The following DNAH1 variants were observed in gnomAD, a reference collection of about 807,000 sequenced individuals.
DNAH1 encodes axonemal beta dynein heavy chain 1.
DNAH1 carries 327 observed loss-of-function variants against 484.3 expected under a neutral mutation model. The observed-to-expected ratio is 0.68, with a 90% CI of 0.62 to 0.74. DNAH1 has a LOEUF of 0.74. Ranked by LOEUF, DNAH1 falls within the 30% of genes least tolerant of loss-of-function variation. The pLI is 0.00. For missense variants in DNAH1, 5,052 were observed against 5,546.8 expected, an observed-to-expected ratio of 0.91 and a Z score of 2.83; for synonymous variants, 2,192 against 2,191.9, an observed-to-expected ratio of 1.00 and a Z score of 0.00.
chr3:52,357,602 C>G lies in DNAH1; in HGVS notation c.3859-12C>G. The G allele has an allele frequency of 6.3e-7, 1 of 1,595,732 alleles. No homozygotes were observed. The highest frequency in any genetic ancestry group is 2.3e-5 in the East Asian group (1 of 44,254). On this transcript the variant is annotated splice_polypyrimidine_tract_variant and intron_variant, in intron 22 of 77. Transcript: ENST00000420323. Reference sequence around the variant, plus strand: ...TCACTGCCCATTTCTGTGCATGGCCCGGGCCCTGCAGGTGATCAATGTGTG... The same window carrying G: ...TCACTGCCCATTTCTGTGCATGGCCGGGGCCCTGCAGGTGATCAATGTGTG...
chr3:52,392,937 C>G lies in DNAH1; in HGVS notation c.10386C>G (p.Asp3462Glu), dbSNP rs371037989. 1 of 1,613,514 alleles carries G rather than the reference C, an allele frequency of 6.2e-7. No individual in the cohort carries two copies. The highest frequency in any genetic ancestry group is 8.5e-7 in the Non-Finnish European group (1 of 1,179,816). ...AGATCCTCTTCTTCTGTGTGTCCGA[C>G]CTGGCCAACGTGGACCCCATGTACC... ...RTQILFFCVS[D>E]LANVDPMYQY... Residue 3462 changes from aspartate (D) to glutamate (E), a missense_variant, in exon 65 of 78, where the codon GAC (aspartate) becomes GAG (glutamate). Physicochemically the swap from Asp to Glu is conservative, Grantham distance 45 (BLOSUM62 2). Coordinates refer to ENST00000420323, the MANE Select transcript of DNAH1 (RefSeq NM_015512.5).
intron 8 of DNAH1, among the ~76,000 whole-genome samples, chr3:52,333,677 C>G (rs975835389): frequency 6.6e-6 from 1 of 152,190 alleles, no homozygotes; most frequent in African/African-American, 2.4e-5. Flanking sequence ...GCCACCATGC[C>G]CAGCCAACTT....
intron 47 of DNAH1, 140 bp downstream of exon 47, chr3:52,378,920 C>T: frequency 1.8e-6 from 2 of 1,121,606 alleles, no homozygotes; most frequent in Non-Finnish European, 2.5e-6. Context: ...CCCTCCAGAG[C>T]CCAGCCTTGG....
intron 34 of DNAH1, among the ~76,000 whole-genome samples, chr3:52,365,776 C>T (rs1356952131): frequency 6.6e-6 from 1 of 152,178 alleles, no homozygotes; most frequent in African/African-American, 2.4e-5. Flanking sequence ...CCCAGGTGCC[C>T]TCCATTGTGC....
At chr3:52,387,793 G>A (rs1018536392) in intron 56 of DNAH1, among the ~76,000 whole-genome samples, 1 of 152,162 alleles carries the variant, frequency 6.6e-6, no homozygotes. Flanking sequence ...GGCCCTTGAG[G>A]TTAAACATGA....
Position 52,361,833 on chromosome 3 carries a change from T to C in DNAH1, c.4980+67T>C. 6.7e-7 allele frequency: 1 copy of C among 1,498,468 alleles called. No individual in the cohort carries two copies. The highest frequency in any genetic ancestry group is 9.1e-7 in the Non-Finnish European group (1 of 1,104,098). 92.8% of individuals were successfully genotyped at this position (1,498,468 alleles called of 1,614,324 possible). ...ACTCACGCCGCCATACTGCTCCCCA[T>C]TGCAGGCTGAGAAGCCAGGCGCTAA... On this transcript the variant is annotated intron_variant, in intron 30 of 77. Coordinates refer to ENST00000420323, the MANE Select transcript of DNAH1 (RefSeq NM_015512.5). The surrounding 1 kb of genome is among the most constrained non-coding windows in gnomAD (Gnocchi z 5.6).
In DNAH1 at chr3:52,389,487, C is replaced by A; in HGVS notation, c.9522C>A (p.Asp3174Glu). The A allele has an allele frequency of 6.2e-7, 1 of 1,608,146 alleles. No homozygotes were observed. Among genetic ancestry groups the A allele is most frequent in the Non-Finnish European group, 8.5e-7 (1 of 1,177,624 alleles). The change falls in exon 60 of 78, where the codon GAC becomes GAA. Residue 3174 changes from aspartate (D) to glutamate (E), a missense_variant. Around this residue, in one of 4 missense-constraint regions of DNAH1, gnomAD observed 2,929 missense variants for 3,409.4 expected, o/e 0.86. Transcript: ENST00000420323. ...FTGQYRTVLYDSWVKQLRSHN... is the reference protein window; with the variant it reads ...FTGQYRTVLYESWVKQLRSHN... ...GCCAGTACCGCACGGTGCTCTACGA[C>A]AGCTGGGTCAAGCAGCTCAGGAGCC...
At chr3:52,385,186 G>C in intron 53 of DNAH1, 151 bp from the exon 54 acceptor site, 1 of 973,486 alleles carries the variant, frequency 1.0e-6, no homozygotes, top group Non-Finnish European at 1.5e-6. Flanking sequence ...TTGGGGGACT[G>C]ATGCCCTTCC....
chr3:52,380,955 C>T (rs1056090053), intron 48 of DNAH1, among the ~76,000 whole-genome samples: 4 of 152,216 alleles, frequency 2.6e-5, no homozygotes, highest in African/African-American at 4.8e-5. Flanking sequence ...CAGAGATGTT[C>T]TAGCTCAGTA....
chr3:52,311,617 C>T (rs374998861), upstream of DNAH1, among the ~76,000 whole-genome samples: 53 of 152,320 alleles, frequency 3.5e-4, 2 homozygotes, highest in East Asian at 7.0e-3. Flanking sequence ...GAGTTCACAA[C>T]TCAACCCCAG....
chr3:52,388,915 T>G lies in DNAH1; in HGVS notation c.9473T>G (p.Val3158Gly), dbSNP rs773628913. The G allele has an allele frequency of 1.9e-6, 3 of 1,609,346 alleles. No homozygotes were observed. The Admixed American group carries it at 5.0e-5, about 27-fold the overall frequency. Reference protein sequence around the residue: ...SGDVLVAAGFVAYLGPFTGQY... With the variant: ...SGDVLVAAGFGAYLGPFTGQY... ...GATGTCCTGGTGGCCGCTGGCTTTG[T>G]GGCCTACCTGGGCCCCTTCACGGTA... Residue 3158 changes from valine (V) to glycine (G), a missense_variant, in exon 59 of 78, where the codon GTG (valine) becomes GGG (glycine). Val to Gly is a moderately radical substitution (Grantham distance 109). Coordinates refer to ENST00000420323, the MANE Select transcript of DNAH1 (RefSeq NM_015512.5).
At chr3:52,333,535 C>T (rs1286219641) in intron 8 of DNAH1, among the ~76,000 whole-genome samples, 2 of 151,898 alleles carry the variant, frequency 1.3e-5, no homozygotes, top group African/African-American at 4.8e-5. Context: ...TTAAAGGCAC[C>T]CGCCACTATG....
At chr3:52,388,708 C>A (rs1241077417) in intron 58 of DNAH1, 98 bp from the exon 59 acceptor site, 3 of 1,604,700 alleles carry the variant, frequency 1.9e-6, no homozygotes, top group South Asian at 1.1e-5. Flanking sequence ...GCTGTCCACA[C>A]CCCCTCCCTG....
At chr3:52,316,743 A>C (rs1447249990) in intron 1 of DNAH1, among the ~76,000 whole-genome samples, 198 bp downstream of exon 1, 1 of 152,182 alleles carries the variant, frequency 6.6e-6, no homozygotes, top group Non-Finnish European at 1.5e-5. Context: ...AGTTCCAGAC[A>C]CTTAGTGCCC....
chr3:52,340,872 T>A (rs192503675), intron 8 of DNAH1, among the ~76,000 whole-genome samples: 3 of 152,292 alleles, frequency 2.0e-5, no homozygotes, highest in African/African-American at 7.2e-5. Context: ...TTTTTTTTTT[T>A]TAATTTACAG....
chr3:52,384,788 C>A lies in DNAH1; in HGVS notation c.8325C>A (p.Ile2775=). The A allele has an allele frequency of 6.2e-7, 1 of 1,602,286 alleles. No individual in the cohort carries two copies. Among genetic ancestry groups the A allele is most frequent in the Non-Finnish European group, 8.5e-7 (1 of 1,174,328 alleles). ...CATCCATGGTCTTCCTCCCCCAGAT[C>A]CAGGTCTGTGTGTACATCCACCAGT... ...ESSQEEIQGL[I]QVCVYIHQSV... is the part of the protein sequence containing the mutation. Residue 2775 remains isoleucine (I), a splice_region_variant and synonymous_variant, in exon 53 of 78, where the codon ATC becomes ATA. Transcript: ENST00000420323.
In DNAH1 at chr3:52,332,394, C is replaced by T. The variant is rs938070698; in HGVS notation, c.1286C>T (p.Ser429Leu). Residue 429 changes from serine (S) to leucine (L), a missense_variant and splice_region_variant, in exon 8 of 78, where the codon TCG becomes TTG. This residue lies in a region of DNAH1 where 1,263 missense variants were observed against 1,218.8 expected (regional missense o/e 1.04). Coordinates refer to ENST00000420323, the MANE Select transcript of DNAH1 (RefSeq NM_015512.5). The stretch of plus-strand genomic sequence containing the variant: ...ACGCCTCGGATGCGCAAAGGCCCCT[C>T]GTGAGTCCCCGCTCGGCCTTCCCTA... ...LSTPRMRKGPSVLEHLSSLAR... is the reference protein window; with the variant it reads ...LSTPRMRKGPLVLEHLSSLAR... 29 of 1,611,816 alleles carry T rather than the reference C, an allele frequency of 1.8e-5. No individual in the cohort carries two copies. Among genetic ancestry groups the T allele is most frequent in the African/African-American group, 2.7e-5 (2 of 74,944 alleles).
In DNAH1 at chr3:52,381,882, C is replaced by T. The variant is rs893786744; in HGVS notation, c.7805+46C>T. On this transcript the variant is annotated intron_variant, in intron 49 of 77. Transcript: ENST00000420323. The surrounding 1 kb of genome is among the most constrained non-coding windows in gnomAD (Gnocchi z 4.1). ...CTGGGCAGTGGGCGGCCAGGGCTGG[C>T]TGGTCGGTTTGACTGACCCATGCTT... 6 of 1,529,612 alleles carry T rather than the reference C, an allele frequency of 3.9e-6. No individual in the cohort carries two copies. The highest frequency in any genetic ancestry group is 2.1e-4 in the Middle Eastern group (1 of 4,720). 94.8% of individuals were successfully genotyped at this position (1,529,612 alleles called of 1,614,324 possible). A position where few individuals can be genotyped will look rare whatever the true frequency, so the allele number is the denominator to read the frequency against.
upstream of DNAH1, among the ~76,000 whole-genome samples, chr3:52,313,333 G>A (rs137904317): frequency 3.8e-3 from 579 of 152,242 alleles, 5 homozygotes; most frequent in African/African-American, 0.013. Context: ...TGGAGTGGAG[G>A]AGGGACAAAG....
Sources: allele counts gnomAD v4.1 joint callset (sites outside exome capture counted in the v4.1 genomes callset), GRCh38; gene constraint gnomAD v4.1.1; regional missense constraint gnomAD v4.1.1; non-coding constraint Gnocchi (gnomAD v3.1); transcripts MANE v1.5; gene names NCBI Gene and HGNC (gene_info 2026-07-23, HGNC 2026-07-21).